The following SLC39A10 variants were observed in gnomAD, a reference collection of about 807,000 sequenced individuals.
SLC39A10 encodes solute carrier family 39 member 10.
In SLC39A10, 13 loss-of-function variants were observed where a neutral mutation model predicts 65.1. That is an observed-to-expected ratio of 0.20 (90% CI 0.13 to 0.32). The LOEUF (loss-of-function observed/expected upper bound fraction) is 0.32, where lower values mean the gene tolerates loss of function less well. SLC39A10 is among the 10% of genes least tolerant of loss of function. SLC39A10 has a pLI of 1.00. For synonymous variants in SLC39A10, 321 were observed against 342.2 expected, an observed-to-expected ratio of 0.94 and a Z score of 0.68; for missense variants, 831 against 1,018.4, an observed-to-expected ratio of 0.82 and a Z score of 2.50.
chr2:195,713,582 C>CT, intron 6 of SLC39A10, 29 bp downstream of exon 6: 1 of 1,536,960 alleles, frequency 6.5e-7, no homozygotes, highest in Non-Finnish European at 8.7e-7. Context: ...TCAAGACAAA[C>CT]TTTTTTCTTT....
upstream of SLC39A10, among the ~76,000 whole-genome samples, chr2:195,652,943 G>A (rs1272423887): frequency 1.3e-5 from 2 of 152,138 alleles, no homozygotes; most frequent in African/African-American, 2.4e-5. Flanking sequence ...AGGGATCTAG[G>A]TTGTGCAGTC....
intron 1 of SLC39A10, among the ~76,000 whole-genome samples, chr2:195,665,445 T>A (rs536570245): frequency 7.2e-5 from 11 of 152,328 alleles, no homozygotes; most frequent in African/African-American, 2.6e-4. Context: ...CACTACAGCC[T>A]GGGCAACAGT....
At chr2:195,700,879 G>A (rs1691150202) in intron 3 of SLC39A10, among the ~76,000 whole-genome samples, 1 of 152,020 alleles carries the variant, frequency 6.6e-6, no homozygotes, top group Admixed American at 6.6e-5. Context: ...ATTATAATAT[G>A]TCTTGGTGTG....
chr2:195,731,904 C>T (rs764752189), intron 9 of SLC39A10, among the ~76,000 whole-genome samples: 16 of 152,186 alleles, frequency 1.1e-4, no homozygotes, highest in African/African-American at 2.2e-4. Context: ...AACATGACTA[C>T]TCCTGATAAA....
chr2:195,711,273 T>C (rs1308382543), intron 5 of SLC39A10, among the ~76,000 whole-genome samples: 1 of 152,154 alleles, frequency 6.6e-6, no homozygotes, highest in Non-Finnish European at 1.5e-5. Flanking sequence ...ATAAACAAGT[T>C]TTTTGTTTTT....
intron 1 of SLC39A10, chr2:195,657,591 C>T: frequency 1.0e-6 from 1 of 982,376 alleles, no homozygotes; most frequent in Non-Finnish European, 1.2e-6. Flanking sequence ...CCTCGCGCCC[C>T]CCTCACCTTC....
chr2:195,664,895 C>T (rs1367353690), intron 1 of SLC39A10, among the ~76,000 whole-genome samples: 1 of 152,146 alleles, frequency 6.6e-6, no homozygotes, highest in Non-Finnish European at 1.5e-5. Flanking sequence ...TTTCAGACTG[C>T]AAACAGGCTG....
intron 6 of SLC39A10, among the ~76,000 whole-genome samples, chr2:195,715,628 A>G (rs1264462902): frequency 1.3e-5 from 2 of 152,134 alleles, no homozygotes; most frequent in Admixed American, 6.5e-5. Context: ...GCAATACAGC[A>G]TAGGTGTATG....
intron 2 of SLC39A10, among the ~76,000 whole-genome samples, chr2:195,625,222 AAAAG>A (rs376327259): frequency 0.02 from 2,243 of 112,274 alleles, 103 homozygotes; most frequent in African/African-American, 0.064. Flanking sequence ...GTCTCAAAAA[AAAAG>A]AAAGAAAGAA....
At chr2:195,673,735 T>C (rs187473699) in intron 1 of SLC39A10, among the ~76,000 whole-genome samples, 1 of 152,352 alleles carries the variant, frequency 6.6e-6, no homozygotes, top group East Asian at 1.9e-4. Flanking sequence ...AGCAAGCTTA[T>C]GCTGCTCTCA....
At chr2:195,638,364 C>G (rs1477162588) in intron 2 of SLC39A10, among the ~76,000 whole-genome samples, 8 of 151,834 alleles carry the variant, frequency 5.3e-5, no homozygotes, top group Non-Finnish European at 8.8e-5. Flanking sequence ...TGTTTTGAGA[C>G]AGTCTCACTC....
chr2:195,671,811 C>T (rs1410624703), intron 1 of SLC39A10: 2 of 152,258 alleles, frequency 1.3e-5, no homozygotes, highest in Non-Finnish European at 2.9e-5. Context: ...ATGCCTGCAA[C>T]TTCTACTTCC....
At chr2:195,645,607 C>T (rs929609763) in intron 2 of SLC39A10, among the ~76,000 whole-genome samples, 2 of 152,106 alleles carry the variant, frequency 1.3e-5, no homozygotes, top group Non-Finnish European at 2.9e-5. Context: ...CTACCCAACC[C>T]TCTGGTAACC....
intron 3 of SLC39A10, among the ~76,000 whole-genome samples, chr2:195,691,759 A>G (rs924530444): frequency 2.0e-5 from 3 of 152,072 alleles, no homozygotes; most frequent in Admixed American, 2.0e-4. Flanking sequence ...TAGATTCTGG[A>G]TATTAGTTCC....
chr2:195,717,239 A>C (rs1691849668), intron 7 of SLC39A10: 1 of 428,122 alleles, frequency 2.3e-6, no homozygotes, highest in South Asian at 6.7e-5. Context: ...TAATAACTTG[A>C]TTTCTCAAAG....
At chr2:195,727,653 G>A (rs1026834454) in intron 8 of SLC39A10, among the ~76,000 whole-genome samples, 4 of 152,144 alleles carry the variant, frequency 2.6e-5, no homozygotes, top group African/African-American at 4.8e-5. Flanking sequence ...GGTCTTGATT[G>A]TTGGTTACAA....
At position 195,683,874 on chromosome 2, in the gene SLC39A10, T is replaced by C. The variant is rs1559032979; in HGVS notation, c.1184T>C (p.Val395Ala). 2 of 1,612,820 alleles carry C rather than the reference T, an allele frequency of 1.2e-6. No homozygotes were observed. Among genetic ancestry groups the C allele is most frequent in the Non-Finnish European group, 1.7e-6 (2 of 1,179,316 alleles). ...VEDINKDKNL[V>A]PEDEANIGAS... The stretch of plus-strand genomic sequence containing the variant: ...GATATAAATAAGGATAAAAACCTGG[T>C]TCCTGAAGATGAGGCAAATATAGGG... The change falls in exon 3 of 10, where the codon GTT (valine) becomes GCT (alanine). Residue 395 changes from valine (V) to alanine (A), a missense_variant. Transcript: ENST00000359634.
chr2:195,712,820 A>C (rs1251003383), intron 5 of SLC39A10, among the ~76,000 whole-genome samples: 2 of 152,208 alleles, frequency 1.3e-5, no homozygotes, highest in Non-Finnish European at 2.9e-5. Context: ...GGTGATAAGA[A>C]AGGATGCTTG....
chr2:195,729,266 G>A (rs1402807562), intron 9 of SLC39A10, among the ~76,000 whole-genome samples: 1 of 152,148 alleles, frequency 6.6e-6, no homozygotes, highest in Admixed American at 6.5e-5. Flanking sequence ...ACAAGTGTGA[G>A]CTACCACACC....
Sources: gnomAD v4.1 joint callset for allele counts (sites outside exome capture counted in the v4.1 genomes callset) on GRCh38, gnomAD v4.1.1 for gene constraint, MANE v1.5 for transcripts, NCBI Gene and HGNC (gene_info 2026-07-23, HGNC 2026-07-21) for gene names.